SLC8A3: variants seen among roughly 807,000 people sequenced by gnomAD.
SLC8A3 encodes solute carrier family 8 member A3, also known as sodium/calcium exchanger 3.
SLC8A3 carries 37 observed loss-of-function variants against 65.4 expected under a neutral mutation model. The ratio of observed to expected loss-of-function variants is 0.57; its 90% CI spans 0.44 to 0.74. The LOEUF (loss-of-function observed/expected upper bound fraction) is 0.74, where lower values mean the gene tolerates loss of function less well. SLC8A3 is among the 30% of genes least tolerant of loss of function. The pLI is 0.00. For missense variants in SLC8A3, 1,112 were observed against 1,172.1 expected (o/e 0.95, Z 0.75); for synonymous variants, 461 against 444.5 (o/e 1.04, Z -0.47).
chr14:70,152,813 G>A (rs1896355616), intron 2 of SLC8A3, among the ~76,000 whole-genome samples: 1 of 152,210 alleles, frequency 6.6e-6, no homozygotes, highest in Admixed American at 6.5e-5. Context: ...CCAGGGAAAG[G>A]TTCTGGGCAG....
chr14:70,159,749 T>C (rs563063702), intron 2 of SLC8A3, among the ~76,000 whole-genome samples: 1 of 151,828 alleles, frequency 6.6e-6, no homozygotes, highest in African/African-American at 2.4e-5. Flanking sequence ...TATCCCCTTA[T>C]TATTGTTGCC....
rs573199741 is a variant in SLC8A3, at chr14:70,134,908, G to A, written c.1784+31731C>T. Among the ~76,000 whole-genome samples, 7 of 152,294 alleles carry A rather than the reference G, an allele frequency of 4.6e-5. No individual in the cohort carries two copies. In the South Asian group the frequency reaches 1.0e-3, roughly 23 times the overall value. ...GAATGTGACCTTACTTGGAAATAGA[G>A]TTACTACAGATGTAATTAGTTAAGC... On this transcript the variant is annotated intron_variant, in intron 2 of 6. Coordinates refer to ENST00000356921, the MANE Select transcript of SLC8A3 (RefSeq NM_182932.3).
intron 2 of SLC8A3, among the ~76,000 whole-genome samples, chr14:70,144,558 G>A (rs1253583935): frequency 1.3e-5 from 2 of 151,214 alleles, no homozygotes; most frequent in African/African-American, 2.4e-5. Context: ...TGAACCTGGA[G>A]GCAGAGGTTG....
intron 1 of SLC8A3, among the ~76,000 whole-genome samples, chr14:70,185,983 A>G (rs1401665543): frequency 3.3e-5 from 5 of 152,168 alleles, no homozygotes; most frequent in East Asian, 1.9e-4. Flanking sequence ...TTGGAGTCCA[A>G]TGGACTCCAC....
chr14:70,184,000 C>G (rs1292114096), intron 1 of SLC8A3, among the ~76,000 whole-genome samples: 7 of 152,198 alleles, frequency 4.6e-5, no homozygotes, highest in African/African-American at 1.7e-4. Flanking sequence ...TCTTGCTGAC[C>G]TGCCTGTTGC....
At chr14:70,095,973 C>G (rs2140085741) in intron 2 of SLC8A3, among the ~76,000 whole-genome samples, 1 of 152,230 alleles carries the variant, frequency 6.6e-6, no homozygotes, top group South Asian at 2.1e-4. Flanking sequence ...CCTCCACCTC[C>G]CGGGTTCAAG....
rs141396102 is a variant in SLC8A3 at position 70,167,359 on chromosome 14, C to A, written c.1064G>T (p.Arg355Leu). 1.0e-3 allele frequency: 1,644 copies of A among 1,614,104 alleles called. 3 individuals are homozygous for A. Among genetic ancestry groups the A allele is most frequent in the Non-Finnish European group, 1.3e-3 (1,549 of 1,179,992 alleles). ...SHQQKSRAFY[R>L]IQATRMMTGA... ...AGTCATCATACGAGTGGCTTGGATA[C>A]GGTAGAAGGCACGGCTCTTCTGTTG... The change falls in exon 2 of 7, where the codon CGT becomes CTT. Residue 355 changes from arginine (R) to leucine (L), a missense_variant. By Grantham distance (102) the Arg-to-Leu change is moderately radical. Transcript: ENST00000356921.
chr14:70,144,760 A>G (rs1319043310), intron 2 of SLC8A3, among the ~76,000 whole-genome samples: 2 of 152,156 alleles, frequency 1.3e-5, no homozygotes, highest in African/African-American at 2.4e-5. Context: ...ATCACAACCT[A>G]TATCATTCAG....
intron 2 of SLC8A3, among the ~76,000 whole-genome samples, chr14:70,155,312 G>A (rs1225238428): frequency 6.6e-6 from 1 of 151,898 alleles, no homozygotes; most frequent in African/African-American, 2.4e-5. Context: ...TCACCCTACA[G>A]TGCTACAAAA....
At chr14:70,142,940 T>C (rs1895671958) in intron 2 of SLC8A3, among the ~76,000 whole-genome samples, 1 of 152,182 alleles carries the variant, frequency 6.6e-6, no homozygotes, top group Non-Finnish European at 1.5e-5. Context: ...AATGTTTAGG[T>C]CTAGGGCTGT....
At chr14:70,185,589 GGT>G (rs1488272470) in intron 1 of SLC8A3, among the ~76,000 whole-genome samples, 1 of 152,206 alleles carries the variant, frequency 6.6e-6, no homozygotes, top group African/African-American at 2.4e-5. Context: ...GGAAGCTGTA[GGT>G]GGCAGTGTAA....
intron 6 of SLC8A3, chr14:70,047,602 T>C (rs1238184850): frequency 1.3e-5 from 2 of 152,240 alleles, no homozygotes; most frequent in Non-Finnish European, 2.9e-5. Flanking sequence ...GGAAAGAGGT[T>C]TTCCTAGAAT....
At chr14:70,055,728 T>G in intron 3 of SLC8A3, 1 of 1,360,120 alleles carries the variant, frequency 7.4e-7, no homozygotes. Context: ...CAAAGGACAT[T>G]GGTCTTAAAC....
chr14:70,136,548 T>G (rs988348785), intron 2 of SLC8A3, among the ~76,000 whole-genome samples: 2 of 152,196 alleles, frequency 1.3e-5, no homozygotes, highest in African/African-American at 4.8e-5. Flanking sequence ...AGCCTTTGTG[T>G]GTACTAGTCC....
chr14:70,093,483 C>A (rs1891941418), intron 2 of SLC8A3, among the ~76,000 whole-genome samples: 1 of 152,166 alleles, frequency 6.6e-6, no homozygotes, highest in Non-Finnish European at 1.5e-5. Context: ...TCACATACCT[C>A]ACAGGACTAT....
chr14:70,160,317 C>T (rs1365054934), intron 2 of SLC8A3, among the ~76,000 whole-genome samples: 2 of 152,008 alleles, frequency 1.3e-5, no homozygotes, highest in African/African-American at 2.4e-5. Flanking sequence ...TGGTGACATG[C>T]GTCTGTAGTC....
At chr14:70,169,858 C>T (rs753822811) in intron 1 of SLC8A3, among the ~76,000 whole-genome samples, 4 of 152,098 alleles carry the variant, frequency 2.6e-5, no homozygotes, top group Non-Finnish European at 5.9e-5. Context: ...GCATCTTCAG[C>T]CACCCAGTTA....
chr14:70,086,891 G>A (rs1027238785), intron 2 of SLC8A3, among the ~76,000 whole-genome samples: 1 of 152,228 alleles, frequency 6.6e-6, no homozygotes, highest in East Asian at 1.9e-4. Context: ...TTTCTGAGAT[G>A]AATCAGATTC....
At chr14:70,066,174 A>C (rs1380108141) in intron 2 of SLC8A3, among the ~76,000 whole-genome samples, 1 of 152,204 alleles carries the variant, frequency 6.6e-6, no homozygotes, top group Non-Finnish European at 1.5e-5. Context: ...TCTCCCATTG[A>C]GATCATTCCC....
Sources: gnomAD v4.1 joint callset for allele counts (sites outside exome capture counted in the v4.1 genomes callset) on GRCh38, gnomAD v4.1.1 for gene constraint, MANE v1.5 for transcripts, NCBI Gene and HGNC (gene_info 2026-07-23, HGNC 2026-07-21) for gene names.